The following C10orf90 variants were observed in gnomAD, a reference collection of about 807,000 sequenced individuals.
C10orf90 encodes (E2-independent) E3 ubiquitin-conjugating enzyme FATS.
Under a neutral mutation model 62.5 loss-of-function variants are expected in C10orf90, and 56 were observed. That is an observed-to-expected ratio of 0.90 (90% CI 0.72 to 1.12). The LOEUF (loss-of-function observed/expected upper bound fraction) is 1.12. Among genes scored for constraint, C10orf90 ranks in the 50% most tolerant of loss-of-function variants. The probability of loss-of-function intolerance (pLI) is 0.00; values close to 1 mark genes in which losing one functional copy is unlikely to be tolerated. For synonymous variants in C10orf90, 386 were observed against 340.4 expected, an observed-to-expected ratio of 1.13 and a Z score of -1.47; for missense variants, 970 against 880.4, an observed-to-expected ratio of 1.10 and a Z score of -1.29.
At chr10:126,562,791 C>T (rs940438983) in intron 2 of C10orf90, among the ~76,000 whole-genome samples, 6 of 152,224 alleles carry the variant, frequency 3.9e-5, no homozygotes, top group Admixed American at 6.5e-5. Context: ...CCAACCAGGA[C>T]AGTAAAACCA....
intron 7 of C10orf90, among the ~76,000 whole-genome samples, chr10:126,439,386 G>C (rs1303986222): frequency 1.3e-5 from 2 of 152,156 alleles, no homozygotes; most frequent in Non-Finnish European, 2.9e-5. Context: ...AGACATCATT[G>C]CAAGGCAAAA....
At chr10:126,570,799 C>G (rs57001993) in intron 2 of C10orf90, among the ~76,000 whole-genome samples, 1 of 152,242 alleles carries the variant, frequency 6.6e-6, no homozygotes, top group South Asian at 2.1e-4. Flanking sequence ...TTTCATGATA[C>G]TAGGCCACAG....
intron 2 of C10orf90, among the ~76,000 whole-genome samples, chr10:126,576,462 T>G (rs1204570642): frequency 6.6e-6 from 1 of 151,882 alleles, no homozygotes. Context: ...CTTTATACAC[T>G]GTTGGTGGGA....
rs1295044404 is a variant in C10orf90, at chr10:126,453,259, A to G, written c.2188+5781T>C. ...TTCAGTCTGCTGTGCTAGATGCAGC[A>G]GGGCCTCTCGCAGTGATTTGGTGTG... On this transcript the variant is annotated intron_variant, in intron 7 of 9. Coordinates refer to ENST00000488181, the MANE Select transcript of C10orf90 (RefSeq NM_001350921.2). This position sits in a 1 kb window ranked among gnomAD's most constrained non-coding sequence, Gnocchi z 4.9. Among the ~76,000 whole-genome samples, 1 of 152,206 alleles carries G rather than the reference A, an allele frequency of 6.6e-6. No individual in the cohort carries two copies. Among genetic ancestry groups the G allele is most frequent in the Non-Finnish European group, 1.5e-5 (1 of 68,038 alleles).
intron 2 of C10orf90, among the ~76,000 whole-genome samples, chr10:126,540,424 C>T (rs552431176): frequency 2.8e-4 from 43 of 152,002 alleles, no homozygotes; most frequent in Non-Finnish European, 5.6e-4. Context: ...TTTGAGAGGC[C>T]AAGACAGGAG....
At position 126,576,699 on chromosome 10, in the gene C10orf90, G is replaced by GTACATATACATATTATC. The variant is rs1844623547; in HGVS notation, c.314-62761_314-62760insGATAATATGTATATGTA. ...TATACATATACATATACATGTATAT[G>GTACATATACATATTATC]TATATGTATATATATACAAGATATA... On this transcript the variant is annotated intron_variant, in intron 2 of 9. Coordinates refer to ENST00000488181, the MANE Select transcript of C10orf90 (RefSeq NM_001350921.2). 7.7e-3 allele frequency among the ~76,000 whole-genome samples: 543 copies of GTACATATACATATTATC among 70,910 alleles called. 49 individuals carry two copies. Among genetic ancestry groups the GTACATATACATATTATC allele is most frequent in the Non-Finnish European group, 9.7e-3 (348 of 35,782 alleles). 46.5% of individuals were successfully genotyped at this position (70,910 alleles called of 152,430 possible).
intron 2 of C10orf90, among the ~76,000 whole-genome samples, chr10:126,619,699 G>A (rs1253480768): frequency 6.6e-6 from 1 of 152,066 alleles, no homozygotes; most frequent in African/African-American, 2.4e-5. Flanking sequence ...GAGCACAGTG[G>A]TGCAATCAAG....
At chr10:126,435,113 C>G (rs1041451935) in intron 7 of C10orf90, among the ~76,000 whole-genome samples, 2 of 152,316 alleles carry the variant, frequency 1.3e-5, no homozygotes, top group South Asian at 2.1e-4. Context: ...CAGCTTGTTT[C>G]AGAACCCTGT....
intron 9 of C10orf90, 31 bp from the exon 10 acceptor site, chr10:126,425,933 T>A: frequency 6.2e-7 from 1 of 1,614,080 alleles, no homozygotes; most frequent in Non-Finnish European, 8.5e-7. Flanking sequence ...AGATGTCAAG[T>A]TGAGATTCGG....
intron 2 of C10orf90, among the ~76,000 whole-genome samples, chr10:126,535,513 T>A (rs1840302238): frequency 9.9e-6 from 1 of 101,014 alleles, no homozygotes; most frequent in Non-Finnish European, 2.3e-5. Context: ...CCAGACGCTG[T>A]CTCAAAAAAA....
At chr10:126,579,061 AG>A (rs1591116191) in intron 2 of C10orf90, among the ~76,000 whole-genome samples, 1 of 149,770 alleles carries the variant, frequency 6.7e-6, no homozygotes, top group East Asian at 1.9e-4. Flanking sequence ...TTCAATTAAA[AG>A]TTTTTTTTTA....
intron 2 of C10orf90, among the ~76,000 whole-genome samples, chr10:126,603,491 A>G (rs759385107): frequency 6.6e-6 from 1 of 152,172 alleles, no homozygotes; most frequent in Non-Finnish European, 1.5e-5. Flanking sequence ...TGGTGGGGAC[A>G]CAGCCAAACC....
intron 2 of C10orf90, among the ~76,000 whole-genome samples, chr10:126,535,168 T>C (rs1257923925): frequency 1.3e-5 from 2 of 151,744 alleles, no homozygotes; most frequent in Non-Finnish European, 2.9e-5. Flanking sequence ...TATATGTGTG[T>C]GTATGTTTAG....
intron 2 of C10orf90, among the ~76,000 whole-genome samples, chr10:126,549,826 T>A (rs578024188): frequency 1.3e-5 from 2 of 151,934 alleles, no homozygotes; most frequent in Non-Finnish European, 2.9e-5. Flanking sequence ...ATCCATATCA[T>A]GGGACGCTCA....
intron 7 of C10orf90, among the ~76,000 whole-genome samples, chr10:126,437,264 T>C (rs906139336): frequency 2.0e-5 from 3 of 152,342 alleles, no homozygotes; most frequent in African/African-American, 7.2e-5. Flanking sequence ...AAAGGAGGGA[T>C]TGTATTTTCA....
chr10:126,465,593 G>C (rs951863726), intron 4 of C10orf90, among the ~76,000 whole-genome samples: 6 of 152,236 alleles, frequency 3.9e-5, no homozygotes, highest in Admixed American at 2.0e-4. Context: ...AAGCATTGGT[G>C]CTGAGTTACG....
chr10:126,496,701 C>T (rs1007639047), intron 4 of C10orf90: 19 of 985,192 alleles, frequency 1.9e-5, no homozygotes, highest in South Asian at 4.7e-5. Context: ...CTTTCCTTGC[C>T]AGAGAGGTTT....
intron 7 of C10orf90, among the ~76,000 whole-genome samples, chr10:126,448,384 C>T (rs866306944): frequency 2.2e-4 from 34 of 151,968 alleles, no homozygotes; most frequent in Middle Eastern, 3.4e-3. Flanking sequence ...AAAAACAGTT[C>T]TAAGCGTGAA....
chr10:126,662,522 C>A (rs1196168016), intron 1 of C10orf90, among the ~76,000 whole-genome samples: 1 of 152,168 alleles, frequency 6.6e-6, no homozygotes, highest in African/African-American at 2.4e-5. Flanking sequence ...AAATAACAGT[C>A]ACATCCTGTG....
Sources: allele counts gnomAD v4.1 joint callset (sites outside exome capture counted in the v4.1 genomes callset), GRCh38; gene constraint gnomAD v4.1.1; non-coding constraint Gnocchi (gnomAD v3.1); transcripts MANE v1.5; gene names NCBI Gene and HGNC (gene_info 2026-07-23, HGNC 2026-07-21).